Variants in COL4A2 observed in about 807,000 individuals in gnomAD.
COL4A2 encodes the protein collagen alpha-2(IV) chain.
A neutral mutation model predicts 200.2 loss-of-function variants in COL4A2; 99 were observed. That is an observed-to-expected ratio of 0.49 (90% CI 0.42 to 0.58). The LOEUF (loss-of-function observed/expected upper bound fraction) is 0.58. Ranked by LOEUF, COL4A2 falls within the 20% of genes least tolerant of loss-of-function variation. The pLI is 0.00. For synonymous variants in COL4A2, 897 were observed against 900.6 expected, an observed-to-expected ratio of 1.00 and a Z score of 0.07; for missense variants, 1,950 against 2,314.1, an observed-to-expected ratio of 0.84 and a Z score of 3.23.
At position 110,499,660 on chromosome 13, in the gene COL4A2, C is replaced by T. The variant is rs111771370; in HGVS notation, c.3761-2008C>T. 3.0e-4 allele frequency among the ~76,000 whole-genome samples: 46 copies of T among 152,300 alleles called. 1 individual carries two copies. The highest frequency in any genetic ancestry group is 9.9e-4 in the African/African-American group (41 of 41,554). On this transcript the variant is annotated intron_variant, in intron 40 of 47. Coordinates refer to ENST00000360467, the MANE Select transcript of COL4A2 (RefSeq NM_001846.4). ...TTGAGTCATGCAACATGGGCCTTCACGGAACCCCTGTTAGTGAGACTCTTT... is the reference window on the plus strand; with the variant it reads ...TTGAGTCATGCAACATGGGCCTTCATGGAACCCCTGTTAGTGAGACTCTTT...
chr13:110,459,076 A>C, intron 22 of COL4A2, 142 bp downstream of exon 22: 2 of 803,254 alleles, frequency 2.5e-6, no homozygotes, highest in Non-Finnish European at 3.7e-6. Context: ...ACCATTCTAA[A>C]AACCCACATA....
intron 3 of COL4A2, among the ~76,000 whole-genome samples, chr13:110,339,589 A>C (rs879872733): frequency 6.6e-6 from 1 of 152,204 alleles, no homozygotes; most frequent in Non-Finnish European, 1.5e-5. Flanking sequence ...AGGGGAAAAA[A>C]AACAAAAACA....
At chr13:110,511,396 A>G (rs1213191188) in intron 47 of COL4A2, among the ~76,000 whole-genome samples, 2 of 152,194 alleles carry the variant, frequency 1.3e-5, no homozygotes, top group Non-Finnish European at 2.9e-5. Context: ...AAAAAAAATA[A>G]AACCACTCAT....
intron 40 of COL4A2, among the ~76,000 whole-genome samples, chr13:110,500,754 TG>T (rs1883609655): frequency 1.3e-5 from 2 of 152,002 alleles, no homozygotes; most frequent in African/African-American, 4.9e-5. Context: ...TGGTTTTCTG[TG>T]TAACGGCACC....
At chr13:110,444,436 C>T (rs61963241) in intron 16 of COL4A2, among the ~76,000 whole-genome samples, 23,837 of 152,176 alleles carry the variant, frequency 0.16, 2,070 homozygotes, top group Middle Eastern at 0.26. Flanking sequence ...TAGCTTATGA[C>T]GTGGCCTCTA....
chr13:110,424,642 A>AAAC (rs1555328102), intron 4 of COL4A2, 92 bp from the exon 5 acceptor site: 31 of 852,414 alleles, frequency 3.6e-5, no homozygotes, highest in Non-Finnish European at 4.7e-5. Context: ...TTTAAAAACA[A>AAAC]AAAAAAAAAT....
intron 3 of COL4A2, among the ~76,000 whole-genome samples, chr13:110,337,147 C>T (rs1347698090): frequency 6.6e-6 from 1 of 152,182 alleles, no homozygotes; most frequent in Non-Finnish European, 1.5e-5. Flanking sequence ...GCATTCAATC[C>T]GTAAGCCTGT....
chr13:110,488,977 C>T lies in COL4A2; in HGVS notation c.3208-468C>T, dbSNP rs560298020. Among the ~76,000 whole-genome samples the T allele has an allele frequency of 7.8e-4, 119 of 152,292 alleles. 1 individual carries two copies. The South Asian group carries it at 0.011, about 15-fold the overall frequency. ...AGGTGCAGTGGCTCACGCCTGTAAT[C>T]CCAGCACTTTGGGAAGCAGAGGAGA... On this transcript the variant is annotated intron_variant, in intron 34 of 47. Coordinates refer to ENST00000360467, the MANE Select transcript of COL4A2 (RefSeq NM_001846.4).
intron 20 of COL4A2, chr13:110,456,680 G>A (rs954692635): frequency 2.3e-6 from 1 of 443,264 alleles, no homozygotes; most frequent in South Asian, 1.6e-5. Context: ...AGGCTTGGCT[G>A]AAAGCCACCC....
chr13:110,351,067 G>C (rs559691442), intron 3 of COL4A2, among the ~76,000 whole-genome samples: 26 of 151,000 alleles, frequency 1.7e-4, no homozygotes, highest in Non-Finnish European at 3.5e-4. Flanking sequence ...TTTTCTTTTT[G>C]AGATAGGGTC....
Position 110,447,563 on chromosome 13 carries a change from T to TA in COL4A2, c.1078+709dup, listed in dbSNP as rs560548714. On this transcript the variant is annotated intron_variant, in intron 18 of 47. Coordinates refer to ENST00000360467, the MANE Select transcript of COL4A2 (RefSeq NM_001846.4). ...TTGTAGAATGCGCATCCTTCTAGGTTAAAAAAAAAATGTTTCGAGAACCTC... is the reference window on the plus strand; with the variant it reads ...TTGTAGAATGCGCATCCTTCTAGGTTAAAAAAAAAAATGTTTCGAGAACCTC... Among the ~76,000 whole-genome samples the TA allele has an allele frequency of 2.7e-4, 41 of 150,484 alleles. 1 individual carries two copies. In the East Asian group the frequency reaches 3.1e-3, roughly 11 times the overall value.
chr13:110,332,417 A>G (rs1454251262), intron 3 of COL4A2, among the ~76,000 whole-genome samples: 1 of 152,214 alleles, frequency 6.6e-6, no homozygotes, highest in Non-Finnish European at 1.5e-5. Flanking sequence ...CAGAGATTCA[A>G]ATGCAAGAGG....
intron 4 of COL4A2, among the ~76,000 whole-genome samples, chr13:110,360,567 C>T (rs902308179): frequency 2.6e-5 from 4 of 152,190 alleles, no homozygotes; most frequent in Admixed American, 2.6e-4. Context: ...TATTTCCCAG[C>T]GTCCCTAGTG....
intron 4 of COL4A2, among the ~76,000 whole-genome samples, chr13:110,389,619 T>A (rs1311207776): frequency 1.3e-5 from 2 of 152,132 alleles, no homozygotes; most frequent in Non-Finnish European, 2.9e-5. Flanking sequence ...ATGATGGACA[T>A]CAAATCGACT....
chr13:110,329,775 T>C (rs977067268), intron 3 of COL4A2, among the ~76,000 whole-genome samples: 2 of 152,114 alleles, frequency 1.3e-5, no homozygotes, highest in African/African-American at 2.4e-5. Context: ...ATCCATCTGG[T>C]ATTCTCAACC....
At chr13:110,485,067 GCCGCCCCAGC>G (rs777869671) in intron 33 of COL4A2, 40 bp downstream of exon 33, 6 of 1,516,698 alleles carry the variant, frequency 4.0e-6, no homozygotes, top group East Asian at 2.3e-5. Context: ...CCTAGTCCCT[GCCGCCCCAGC>G]CCGCACCAGC....
At chr13:110,495,591 TCTGGGG>T (rs1883430157) in intron 40 of COL4A2, 124 bp downstream of exon 40, 1 of 1,286,182 alleles carries the variant, frequency 7.8e-7, no homozygotes, top group African/African-American at 1.5e-5. Context: ...AGCTGGTTTT[TCTGGGG>T]AGGACTACCT....
chr13:110,508,356 C>A lies in COL4A2; in HGVS notation c.4881+135C>A. The A allele has an allele frequency of 7.3e-7, 1 of 1,377,210 alleles. No homozygotes were observed. Among genetic ancestry groups the A allele is most frequent in the Non-Finnish European group, 9.9e-7 (1 of 1,010,640 alleles). 85.3% of individuals were successfully genotyped at this position (1,377,210 alleles called of 1,614,324 possible). On this transcript the variant is annotated intron_variant, in intron 47 of 47. Transcript: ENST00000360467. The surrounding 1 kb of genome is among the most constrained non-coding windows in gnomAD (Gnocchi z 6.1). Reference sequence around the variant, plus strand: ...GCACAAGGGTAGTTGGCCCAGGAAGCGAGCGAGAGCTGGAACACAGCTTAC... The same window carrying A: ...GCACAAGGGTAGTTGGCCCAGGAAGAGAGCGAGAGCTGGAACACAGCTTAC...
Position 110,436,562 on chromosome 13 carries a change from G to A in COL4A2, c.825+195G>A, listed in dbSNP as rs57873561. 0.08 allele frequency among the ~76,000 whole-genome samples: 12,130 copies of A among 150,838 alleles called. 773 individuals carry two copies. The highest frequency in any genetic ancestry group is 0.18 in the African/African-American group (7,344 of 40,956). ...CAGACGGTTACTAGATTCACAGTGC[G>A]ATCCCGTCGTCAGTCCATCATCTCA... On this transcript the variant is annotated intron_variant, in intron 13 of 47. Coordinates refer to ENST00000360467, the MANE Select transcript of COL4A2 (RefSeq NM_001846.4).
Sources: allele counts gnomAD v4.1 joint callset (sites outside exome capture counted in the v4.1 genomes callset), GRCh38; gene constraint gnomAD v4.1.1; non-coding constraint Gnocchi (gnomAD v3.1); transcripts MANE v1.5; gene names NCBI Gene and HGNC (gene_info 2026-07-23, HGNC 2026-07-21).